SPTLC3: variants seen among roughly 807,000 people sequenced by gnomAD.
SPTLC3 encodes serine palmitoyltransferase 3.
In SPTLC3, 36 loss-of-function variants were observed where a neutral mutation model predicts 59.3. The observed-to-expected ratio is 0.61, with a 90% CI of 0.47 to 0.80. SPTLC3 has a LOEUF of 0.80. SPTLC3 is among the 30% of genes least tolerant of loss of function. The pLI is 0.00. For synonymous variants in SPTLC3, 257 were observed against 240.8 expected (o/e 1.07, Z -0.62); for missense variants, 625 against 685.1 (o/e 0.91, Z 0.98).
chr20:13,167,621 A>G lies in SPTLC3; in HGVS notation c.*2754A>G, dbSNP rs777647999. On this transcript the variant is annotated 3_prime_UTR_variant, in exon 12 of 12. Transcript: ENST00000399002. Reference sequence around the variant, plus strand: ...GTAAGGAGGCTATCTCTGTATAATAAGGAAATGGCATAGACTTATTCCTAA... The same window carrying G: ...GTAAGGAGGCTATCTCTGTATAATAGGGAAATGGCATAGACTTATTCCTAA... 8.5e-5 allele frequency: 13 copies of G among 152,226 alleles called. No individual in the cohort carries two copies. The highest frequency in any genetic ancestry group is 1.3e-4 in the Non-Finnish European group (9 of 68,042). The allele number at this position is 152,226 out of a possible 1,614,324, so 9.4% of individuals were successfully genotyped here. A position where few individuals can be genotyped will look rare whatever the true frequency, so the allele number is the denominator to read the frequency against.
intron 4 of SPTLC3, among the ~76,000 whole-genome samples, chr20:13,085,769 A>AAAG (rs1388187408): frequency 6.6e-6 from 1 of 152,206 alleles, no homozygotes; most frequent in African/African-American, 2.4e-5. Flanking sequence ...TAGATAGAAT[A>AAAG]TTGGTACTTT....
intron 4 of SPTLC3, among the ~76,000 whole-genome samples, chr20:13,089,007 T>C (rs1169479675): frequency 6.6e-6 from 1 of 152,194 alleles, no homozygotes; most frequent in Non-Finnish European, 1.5e-5. Context: ...GGCCCTTCAG[T>C]GTGACCTCTC....
In SPTLC3 at chr20:13,040,046, C is replaced by CGTGTGT. The variant is rs3038800; in HGVS notation, c.118-8872_118-8867dup. ...CCAAATATATAGGTGTATGCATGTA[C>CGTGTGT]GTGTGTGTGTGTGTGTGTGTGTGTG... is the stretch of plus-strand genomic sequence containing the variant. On this transcript the variant is annotated intron_variant, in intron 1 of 11. Transcript: ENST00000399002. Among the ~76,000 whole-genome samples, 1,109 of 148,000 alleles carry CGTGTGT rather than the reference C, an allele frequency of 7.5e-3. 16 individuals are homozygous for CGTGTGT. Among genetic ancestry groups the CGTGTGT allele is most frequent in the African/African-American group, 0.021 (825 of 40,028 alleles).
intron 6 of SPTLC3, among the ~76,000 whole-genome samples, chr20:13,106,170 C>G (rs922737955): frequency 6.6e-6 from 1 of 152,106 alleles, no homozygotes; most frequent in African/African-American, 2.4e-5. Flanking sequence ...AGATATTTAT[C>G]TTTTCTAATA....
At chr20:13,090,548 T>G (rs941763544) in intron 4 of SPTLC3, among the ~76,000 whole-genome samples, 7 of 152,296 alleles carry the variant, frequency 4.6e-5, no homozygotes, top group South Asian at 2.1e-4. Flanking sequence ...AAATTATATT[T>G]CATTTACAGC....
At chr20:13,040,813 G>A (rs6041798) in intron 1 of SPTLC3, among the ~76,000 whole-genome samples, 21,275 of 152,058 alleles carry the variant, frequency 0.14, 2,234 homozygotes, top group African/African-American at 0.3. Context: ...TTATCCTGAA[G>A]TGTCTTTATT....
intron 1 of SPTLC3, among the ~76,000 whole-genome samples, chr20:13,015,994 C>G (rs1306939616): frequency 6.6e-6 from 1 of 151,758 alleles, no homozygotes; most frequent in Non-Finnish European, 1.5e-5. Context: ...GTGAAATAAC[C>G]AAAAGGCAAA....
intron 8 of SPTLC3, 109 bp from the exon 9 acceptor site, chr20:13,126,482 G>A (rs1647816859): frequency 7.8e-7 from 1 of 1,275,536 alleles, no homozygotes; most frequent in Admixed American, 2.5e-5. Context: ...TTTTGAGCAT[G>A]AGATCAAATG....
intron 4 of SPTLC3, among the ~76,000 whole-genome samples, chr20:13,079,525 G>A (rs1352329648): frequency 6.6e-6 from 1 of 152,154 alleles, no homozygotes; most frequent in Non-Finnish European, 1.5e-5. Flanking sequence ...CAAAATAAAT[G>A]AGTGAATGAA....
At chr20:13,164,307 G>A (rs866204101) in intron 11 of SPTLC3, 1 of 471,086 alleles carries the variant, frequency 2.1e-6, no homozygotes, top group South Asian at 1.6e-5. Flanking sequence ...TGAGAGGACA[G>A]AGGATGATGT....
chr20:13,119,135 A>AT (rs1990758674), intron 8 of SPTLC3, among the ~76,000 whole-genome samples: 1 of 152,212 alleles, frequency 6.6e-6, no homozygotes, highest in Non-Finnish European at 1.5e-5. Flanking sequence ...GAGCTCCCTG[A>AT]TCCTGGCTAC....
intron 11 of SPTLC3, among the ~76,000 whole-genome samples, chr20:13,163,432 T>C (rs1003659371): frequency 9.3e-5 from 14 of 150,334 alleles, no homozygotes; most frequent in Admixed American, 8.6e-4. Flanking sequence ...CCATAAATTA[T>C]CTCACAGATG....
intron 9 of SPTLC3, among the ~76,000 whole-genome samples, chr20:13,129,985 A>G (rs17812197): frequency 0.027 from 4,053 of 152,232 alleles, 71 homozygotes; most frequent in African/African-American, 0.032. Context: ...TGGTTTTTTT[A>G]GAGGCAAAAT....
chr20:13,089,110 C>A (rs1054323519), intron 4 of SPTLC3, among the ~76,000 whole-genome samples: 2 of 152,166 alleles, frequency 1.3e-5, no homozygotes, highest in Non-Finnish European at 2.9e-5. Flanking sequence ...CATTTTAGCA[C>A]AGTAAGAAAA....
intron 1 of SPTLC3, among the ~76,000 whole-genome samples, chr20:13,036,023 C>T (rs1363346778): frequency 6.6e-6 from 1 of 152,084 alleles, no homozygotes; most frequent in East Asian, 1.9e-4. Flanking sequence ...ATCTAATTGA[C>T]ATTCCAAAGT....
At chr20:13,104,786 T>C (rs967386484) in intron 6 of SPTLC3, among the ~76,000 whole-genome samples, 2 of 152,188 alleles carry the variant, frequency 1.3e-5, no homozygotes, top group Admixed American at 1.3e-4. Context: ...GTCAAAATTA[T>C]ACTTTTATTT....
intron 4 of SPTLC3, among the ~76,000 whole-genome samples, chr20:13,087,003 C>T (rs1448887246): frequency 6.6e-6 from 1 of 152,108 alleles, no homozygotes; most frequent in African/African-American, 2.4e-5. Flanking sequence ...ACTGTATTGG[C>T]CAGGCTGGTC....
At chr20:13,027,677 A>G (rs538197643) in intron 1 of SPTLC3, among the ~76,000 whole-genome samples, 8,336 of 141,048 alleles carry the variant, frequency 0.059, 279 homozygotes, top group South Asian at 0.089. Flanking sequence ...ACACACACAC[A>G]CACGCAAAAG....
chr20:13,102,938 CT>C (rs1989662417), intron 6 of SPTLC3, among the ~76,000 whole-genome samples: 1 of 152,282 alleles, frequency 6.6e-6, no homozygotes, highest in South Asian at 2.1e-4. Context: ...TAAACAGGCC[CT>C]GTCCCTAGCA....
Sources: gnomAD v4.1 joint callset for allele counts (sites outside exome capture counted in the v4.1 genomes callset) on GRCh38, gnomAD v4.1.1 for gene constraint, MANE v1.5 for transcripts, NCBI Gene and HGNC (gene_info 2026-07-23, HGNC 2026-07-21) for gene names.